SH2B3: variants seen among roughly 807,000 people sequenced by gnomAD.
SH2B3 encodes the protein SH2B adaptor protein 3.
In SH2B3, 43 loss-of-function variants were observed where a neutral mutation model predicts 51.9. The observed-to-expected ratio is 0.83, with a 90% CI of 0.65 to 1.07. The LOEUF (loss-of-function observed/expected upper bound fraction) is 1.07, where lower values mean the gene tolerates loss of function less well. Among genes scored for constraint, SH2B3 ranks in the 50% least tolerant of loss-of-function variants. The probability of loss-of-function intolerance (pLI) is 0.00; values close to 1 mark genes in which losing one functional copy is unlikely to be tolerated. For missense variants in SH2B3, 952 were observed against 834.3 expected, an observed-to-expected ratio of 1.14 and a Z score of -1.74; for synonymous variants, 396 against 376.0, an observed-to-expected ratio of 1.05 and a Z score of -0.62.
In SH2B3 at chr12:111,429,419, C is replaced by A. The variant is rs1027961181; in HGVS notation, c.732+10542C>A. On this transcript the variant is annotated intron_variant, in intron 2 of 7. Coordinates refer to ENST00000341259, the MANE Select transcript of SH2B3 (RefSeq NM_005475.3). The surrounding 1 kb of genome is among the most constrained non-coding windows in gnomAD (Gnocchi z 4.4). ...TGATTTTGGCTCACTGCAACCACCG[C>A]CTCCAGGGTTCAAGCAATTCTCCTG... Among the ~76,000 whole-genome samples, 3 of 152,188 alleles carry A rather than the reference C, an allele frequency of 2.0e-5. No homozygotes were observed. Among genetic ancestry groups the A allele is most frequent in the Non-Finnish European group, 4.4e-5 (3 of 68,036 alleles).
intron 2 of SH2B3, among the ~76,000 whole-genome samples, chr12:111,432,155 G>A (rs1418490198): frequency 6.7e-6 from 1 of 148,282 alleles, no homozygotes; most frequent in African/African-American, 2.5e-5. Flanking sequence ...AGGTTCAAGC[G>A]ATTCTCGTGC....
chr12:111,447,210 C>A lies in SH2B3; in HGVS notation c.1012C>A (p.Leu338Ile). The change falls in exon 5 of 8, where the codon CTT (leucine) becomes ATT (isoleucine). Residue 338 changes from leucine to isoleucine, a missense_variant. Physicochemically the swap from Leu to Ile is conservative, Grantham distance 5 (BLOSUM62 2). Transcript: ENST00000341259. The stretch of plus-strand genomic sequence containing the variant: ...CTCCCCAAGGGGCAGCACAGATTCC[C>A]TTAACCAAGGTGGGTAAACCAATAG... ...SSSPRGSTDS[L>I]NQGASPGGLL... is the part of the protein sequence containing the mutation. 1 of 1,613,056 alleles carries A rather than the reference C, an allele frequency of 6.2e-7. No individual in the cohort carries two copies. Among genetic ancestry groups the A allele is most frequent in the South Asian group, 1.1e-5 (1 of 91,066 alleles).
chr12:111,441,765 T>G (rs1873430804), intron 2 of SH2B3, among the ~76,000 whole-genome samples: 1 of 152,134 alleles, frequency 6.6e-6, no homozygotes, highest in Non-Finnish European at 1.5e-5. Context: ...GCAGCAGCAT[T>G]CTCTTTCCAC....
Position 111,435,014 on chromosome 12 carries a change from A to G in SH2B3, c.733-11739A>G. Reference sequence around the variant, plus strand: ...TTGCTCTCACCTCTTCTTCTGAATCATCGTTCTTCGAAGGCAGGCAGTAGC... The same window carrying G: ...TTGCTCTCACCTCTTCTTCTGAATCGTCGTTCTTCGAAGGCAGGCAGTAGC... On this transcript the variant is annotated intron_variant, in intron 2 of 7. Coordinates refer to ENST00000341259, the MANE Select transcript of SH2B3 (RefSeq NM_005475.3). The surrounding 1 kb of genome is among the most constrained non-coding windows in gnomAD (Gnocchi z 4.8). The G allele has an allele frequency of 6.5e-7, 1 of 1,534,412 alleles. No individual in the cohort carries two copies. The highest frequency in any genetic ancestry group is 8.7e-7 in the Non-Finnish European group (1 of 1,145,976).
intron 2 of SH2B3, among the ~76,000 whole-genome samples, chr12:111,426,506 G>C (rs1456863521): frequency 6.6e-6 from 1 of 151,696 alleles, no homozygotes; most frequent in Non-Finnish European, 1.5e-5. Flanking sequence ...TTACAGGCGT[G>C]AGCCACTGTG....
At chr12:111,439,966 G>T (rs762405369) in intron 2 of SH2B3, among the ~76,000 whole-genome samples, 3 of 152,182 alleles carry the variant, frequency 2.0e-5, no homozygotes, top group African/African-American at 7.2e-5. Flanking sequence ...TGCCTTTGAG[G>T]GATGGGCCGT....
rs1868908212 is a variant in SH2B3 at position 111,438,270 on chromosome 12, G to A, written c.733-8483G>A. Among the ~76,000 whole-genome samples, 1 of 152,096 alleles carries A rather than the reference G, an allele frequency of 6.6e-6. No homozygotes were observed. The highest frequency in any genetic ancestry group is 2.4e-5 in the African/African-American group (1 of 41,408). Reference sequence around the variant, plus strand: ...AGGATTGGAGCCCTGGCTCAACTTCGCTATTCCCCATGGCTGGGGCACTGT... The same window carrying A: ...AGGATTGGAGCCCTGGCTCAACTTCACTATTCCCCATGGCTGGGGCACTGT... On this transcript the variant is annotated intron_variant, in intron 2 of 7. Transcript: ENST00000341259. The surrounding 1 kb of genome is among the most constrained non-coding windows in gnomAD (Gnocchi z 4.2).
Position 111,447,445 on chromosome 12 carries a change from G to A in SH2B3, c.1137G>A (p.Gln379=), listed in dbSNP as rs149873711. The A allele has an allele frequency of 1.7e-5, 27 of 1,613,772 alleles. No homozygotes were observed. The African/African-American group carries it at 3.3e-4, about 20-fold the overall frequency. ...GAGTGAAAGCAGCTCAGCTGGTTCA[G>A]CTGCAGGGCCCTGATGCTCATGGAG... is the stretch of plus-strand genomic sequence containing the variant. ...ISRVKAAQLV[Q]LQGPDAHGVF... is the part of the protein sequence containing the mutation. The change falls in exon 6 of 8, where the codon CAG becomes CAA. Residue 379 remains glutamine, a synonymous_variant. Transcript: ENST00000341259.
At position 111,448,992 on chromosome 12, in the gene SH2B3, C is replaced by T. The variant is rs1226158385; in HGVS notation, c.*690C>T. On this transcript the variant is annotated 3_prime_UTR_variant, in exon 8 of 8. Coordinates refer to ENST00000341259, the MANE Select transcript of SH2B3 (RefSeq NM_005475.3). ...TGTAGTCAGAAACAGCTATGCAAACCCTACCTAATTTACAGTCTGAGCCAG... is the reference window on the plus strand; with the variant it reads ...TGTAGTCAGAAACAGCTATGCAAACTCTACCTAATTTACAGTCTGAGCCAG... The T allele has an allele frequency of 6.5e-6, 1 of 152,680 alleles. No individual in the cohort carries two copies. The highest frequency in any genetic ancestry group is 1.5e-5 in the Non-Finnish European group (1 of 68,088). 9.5% of individuals were successfully genotyped at this position (152,680 alleles called of 1,614,324 possible).
At position 111,410,172 on chromosome 12, in the gene SH2B3, G is replaced by A. The variant is rs944447451; in HGVS notation, c.-28+3895G>A. 1.3e-5 allele frequency among the ~76,000 whole-genome samples: 2 copies of A among 152,200 alleles called. No individual in the cohort carries two copies. Among genetic ancestry groups the A allele is most frequent in the South Asian group, 2.1e-4 (1 of 4,834 alleles). The stretch of plus-strand genomic sequence containing the variant: ...CTGACTCACAGGCGCCCAATGGGGG[G>A]CCCCAGCTGGGAGACTGGGAATGTG... On this transcript the variant is annotated intron_variant, in intron 1 of 7. Coordinates refer to ENST00000341259, the MANE Select transcript of SH2B3 (RefSeq NM_005475.3). The surrounding 1 kb of genome is among the most constrained non-coding windows in gnomAD (Gnocchi z 4.9).
In SH2B3 at chr12:111,449,255, C is replaced by T. The variant is rs1260483142; in HGVS notation, c.*953C>T. On this transcript the variant is annotated 3_prime_UTR_variant, in exon 8 of 8. Transcript: ENST00000341259. The stretch of plus-strand genomic sequence containing the variant: ...TAACTGGGGCTAGGGGAAGAGCAAG[C>T]AAAAAGGGAAGAAGGACTCCTAGGC... The T allele has an allele frequency of 6.6e-6, 1 of 152,382 alleles. No individual in the cohort carries two copies. Among genetic ancestry groups the T allele is most frequent in the Admixed American group, 6.5e-5 (1 of 15,270 alleles). The allele number at this position is 152,382 out of a possible 1,614,324, so 9.4% of individuals were successfully genotyped here.
intron 2 of SH2B3, among the ~76,000 whole-genome samples, chr12:111,420,428 G>T (rs1372978536): frequency 6.6e-6 from 1 of 150,778 alleles, no homozygotes; most frequent in Admixed American, 6.6e-5. Context: ...TTCCTACTGT[G>T]CTGTTGAGGC....
At position 111,449,188 on chromosome 12, in the gene SH2B3, A is replaced by T. The variant is rs142747203; in HGVS notation, c.*886A>T. 1 of 152,754 alleles carries T rather than the reference A, an allele frequency of 6.5e-6. No homozygotes were observed. The highest frequency in any genetic ancestry group is 2.4e-5 in the African/African-American group (1 of 41,588). The allele number at this position is 152,754 out of a possible 1,614,324, so 9.5% of individuals were successfully genotyped here. On this transcript the variant is annotated 3_prime_UTR_variant, in exon 8 of 8. Coordinates refer to ENST00000341259, the MANE Select transcript of SH2B3 (RefSeq NM_005475.3). ...TATCCTGGTGCCTTACGAATAAAAA[A>T]CTGGATTCTGGTTTACAGCAGCTTT...
Position 111,446,629 on chromosome 12 carries a change from C to G in SH2B3, c.733-124C>G. ...ACCTCACTACAGGCTCAGAGCCTGCCCAGCAACACCATGGATACTCTCTCT... is the reference window on the plus strand; with the variant it reads ...ACCTCACTACAGGCTCAGAGCCTGCGCAGCAACACCATGGATACTCTCTCT... On this transcript the variant is annotated intron_variant, in intron 2 of 7. Coordinates refer to ENST00000341259, the MANE Select transcript of SH2B3 (RefSeq NM_005475.3). The G allele has an allele frequency of 6.7e-6, 4 of 601,036 alleles. No homozygotes were observed. In the South Asian group the frequency reaches 8.9e-5, roughly 13 times the overall value. The allele number at this position is 601,036 out of a possible 1,614,324, so 37.2% of individuals were successfully genotyped here.
rs780664376 is a variant in SH2B3 at position 111,418,564 on chromosome 12, G to C, written c.419G>C (p.Arg140Pro). The C allele has an allele frequency of 2.0e-6, 3 of 1,472,034 alleles. No individual in the cohort carries two copies. Among genetic ancestry groups the C allele is most frequent in the Non-Finnish European group, 2.7e-6 (3 of 1,117,320 alleles). The allele number at this position is 1,472,034 out of a possible 1,614,324, so 91.2% of individuals were successfully genotyped here. ...PGPCSFQHFR[R>P]SLRHIFRRRS... ...CCCTGCTCCTTCCAGCACTTTCGCC[G>C]CAGCCTCCGCCACATCTTCCGCCGC... The change falls in exon 2 of 8, where the codon CGC becomes CCC. Residue 140 changes from arginine (R) to proline (P), a missense_variant. Coordinates refer to ENST00000341259, the MANE Select transcript of SH2B3 (RefSeq NM_005475.3). This position sits in a 1 kb window ranked among gnomAD's most constrained non-coding sequence, Gnocchi z 6.7.
chr12:111,435,086 C>G lies in SH2B3; in HGVS notation c.733-11667C>G, dbSNP rs1467898589. On this transcript the variant is annotated intron_variant, in intron 2 of 7. Transcript: ENST00000341259. The surrounding 1 kb of genome is among the most constrained non-coding windows in gnomAD (Gnocchi z 4.8). ...GGATCTTGGTGGTGATGAGTCCCCT[C>G]TCCTCTGGTGCACTCTCCCCACCCG... 7.6e-5 allele frequency: 104 copies of G among 1,366,380 alleles called. No homozygotes were observed. Among genetic ancestry groups the G allele is most frequent in the Non-Finnish European group, 5.0e-6 (5 of 997,318 alleles). 84.6% of individuals were successfully genotyped at this position (1,366,380 alleles called of 1,614,324 possible).
At chr12:111,441,459 G>A (rs1286941447) in intron 2 of SH2B3, among the ~76,000 whole-genome samples, 7 of 152,102 alleles carry the variant, frequency 4.6e-5, no homozygotes, top group Admixed American at 4.6e-4. Flanking sequence ...AGGACTAAGT[G>A]TCCCAAACCT....
Position 111,450,792 on chromosome 12 carries a change from CCTTT to C in SH2B3, c.*2495_*2498del, listed in dbSNP as rs570524985. 8.2e-4 allele frequency: 125 copies of C among 152,470 alleles called. 1 individual carries two copies. Among genetic ancestry groups the C allele is most frequent in the African/African-American group, 2.8e-3 (115 of 41,580 alleles). 9.4% of individuals were successfully genotyped at this position (152,470 alleles called of 1,614,324 possible). ...AGGAAGAAGTGACACTAAGCCAACA[CCTTT>C]CTTTATGTGGGAGCAGAATCAGCTG... On this transcript the variant is annotated 3_prime_UTR_variant, in exon 8 of 8. Transcript: ENST00000341259.
At chr12:111,434,793 G>A in intron 2 of SH2B3, 1 of 1,483,678 alleles carries the variant, frequency 6.7e-7, no homozygotes, top group Non-Finnish European at 9.0e-7. Flanking sequence ...GTTGTTTTGT[G>A]ATGTCAGTGA....
Sources: allele counts gnomAD v4.1 joint callset (sites outside exome capture counted in the v4.1 genomes callset), GRCh38; gene constraint gnomAD v4.1.1; non-coding constraint Gnocchi (gnomAD v3.1); transcripts MANE v1.5; gene names NCBI Gene and HGNC (gene_info 2026-07-23, HGNC 2026-07-21).